The following PNLIPRP3 variants were observed in gnomAD, a reference collection of about 807,000 sequenced individuals.
PNLIPRP3 encodes the protein pancreatic lipase related protein 3.
A neutral mutation model predicts 52.8 loss-of-function variants in PNLIPRP3; 58 were observed. The observed-to-expected ratio is 1.10, with a 90% confidence interval of 0.89 to 1.37. PNLIPRP3 has a LOEUF of 1.37. Among genes scored for constraint, PNLIPRP3 ranks in the 40% most tolerant of loss-of-function variants. The pLI, the probability that PNLIPRP3 is intolerant of heterozygous loss-of-function variation, is 0.00. For synonymous variants in PNLIPRP3, 192 were observed against 185.0 expected (o/e 1.04, Z -0.31); for missense variants, 593 against 561.6 (o/e 1.06, Z -0.57).
At chr10:116,429,628 C>G (rs555979783) in intron 1 of PNLIPRP3, among the ~76,000 whole-genome samples, 2 of 152,288 alleles carry the variant, frequency 1.3e-5, no homozygotes, top group South Asian at 4.1e-4. Context: ...CATTAGTTTT[C>G]ATATTTCAAG....
intron 2 of PNLIPRP3, among the ~76,000 whole-genome samples, chr10:116,437,829 G>A (rs1415387553): frequency 6.6e-6 from 1 of 152,110 alleles, no homozygotes; most frequent in East Asian, 1.9e-4. Flanking sequence ...CACATTTCAA[G>A]TGCTCAATAG....
intron 4 of PNLIPRP3, among the ~76,000 whole-genome samples, chr10:116,453,832 A>G (rs983919507): frequency 1.3e-5 from 2 of 152,092 alleles, no homozygotes; most frequent in African/African-American, 2.4e-5. Flanking sequence ...GGTTTTTTAC[A>G]TAGGTATAGA....
At chr10:116,453,212 C>T (rs529233304) in intron 4 of PNLIPRP3, among the ~76,000 whole-genome samples, 6 of 152,286 alleles carry the variant, frequency 3.9e-5, no homozygotes, top group African/African-American at 1.4e-4. Flanking sequence ...GGGCCTATTA[C>T]CTCTTTCTTT....
intron 4 of PNLIPRP3, among the ~76,000 whole-genome samples, chr10:116,454,763 A>G (rs1051040419): frequency 6.6e-6 from 1 of 152,224 alleles, no homozygotes; most frequent in Non-Finnish European, 1.5e-5. Flanking sequence ...CAGGTATAAC[A>G]CATTTTCTTT....
chr10:116,466,186 C>T lies in PNLIPRP3; in HGVS notation c.927+18C>T, dbSNP rs760923819. 13 of 1,533,312 alleles carry T rather than the reference C, an allele frequency of 8.5e-6. No individual in the cohort carries two copies. In the African/African-American group the frequency reaches 1.8e-4, roughly 21 times the overall value. The allele number at this position is 1,533,312 out of a possible 1,614,324, so 95.0% of individuals were successfully genotyped here. A position where few individuals can be genotyped will look rare whatever the true frequency, so the allele number is the denominator to read the frequency against. The stretch of plus-strand genomic sequence containing the variant: ...TTAAAGCAGTAAGTAAATCATCTTA[C>T]TTGGAATTTAATTATAAAGTAATTT... On this transcript the variant is annotated intron_variant, in intron 8 of 11. Coordinates refer to ENST00000369230, the MANE Select transcript of PNLIPRP3 (RefSeq NM_001011709.3).
chr10:116,470,113 T>C (rs536752639), intron 9 of PNLIPRP3, among the ~76,000 whole-genome samples: 3 of 152,186 alleles, frequency 2.0e-5, no homozygotes, highest in African/African-American at 7.2e-5. Context: ...TGTCATTCTC[T>C]GAGCTTGACG....
intron 10 of PNLIPRP3, among the ~76,000 whole-genome samples, chr10:116,475,038 G>A (rs951380905): frequency 1.2e-4 from 19 of 152,162 alleles, no homozygotes; most frequent in African/African-American, 4.6e-4. Context: ...CAACCCATGT[G>A]CCCATCAATG....
chr10:116,430,741 C>G (rs2133106933), intron 1 of PNLIPRP3, among the ~76,000 whole-genome samples: 1 of 152,266 alleles, frequency 6.6e-6, no homozygotes, highest in East Asian at 1.9e-4. Flanking sequence ...ACACAACTGC[C>G]ATAAATTTAA....
At chr10:116,470,452 G>C (rs1048935436) in intron 9 of PNLIPRP3, among the ~76,000 whole-genome samples, 1 of 151,638 alleles carries the variant, frequency 6.6e-6, no homozygotes, top group South Asian at 2.1e-4. Context: ...AAAGAGCCAA[G>C]GAAAGAAAGT....
chr10:116,468,634 G>A (rs1435652003), intron 8 of PNLIPRP3, among the ~76,000 whole-genome samples: 1 of 152,152 alleles, frequency 6.6e-6, no homozygotes, highest in Non-Finnish European at 1.5e-5. Flanking sequence ...ACCATTTTCA[G>A]TTTGAAGTCT....
Position 116,461,168 on chromosome 10 carries a change from G to A in PNLIPRP3, c.686G>A (p.Gly229Asp), listed in dbSNP as rs1160685033. The part of the protein sequence containing the change: ...TNAARILFEL[G>D]VGTIDACGHL... ...TTTACCCTGTTTTTATTTATTTCAG[G>A]TGTTGGAACCATTGATGCTTGTGGT... The change falls in exon 7 of 12, where the codon GGT (glycine) becomes GAT (aspartate). Residue 229 changes from glycine (G) to aspartate (D), a missense_variant and splice_region_variant. Coordinates refer to ENST00000369230, the MANE Select transcript of PNLIPRP3 (RefSeq NM_001011709.3). 1 of 1,614,152 alleles carries A rather than the reference G, an allele frequency of 6.2e-7. No individual in the cohort carries two copies. Among genetic ancestry groups the A allele is most frequent in the African/African-American group, 1.3e-5 (1 of 75,036 alleles).
At chr10:116,432,852 T>C (rs986987945) in intron 1 of PNLIPRP3, among the ~76,000 whole-genome samples, 4 of 152,090 alleles carry the variant, frequency 2.6e-5, no homozygotes, top group East Asian at 1.9e-4. Context: ...CGGTGGCTCA[T>C]GCCTGTAATC....
chr10:116,457,266 A>T (rs556509874), intron 5 of PNLIPRP3, among the ~76,000 whole-genome samples: 64 of 152,186 alleles, frequency 4.2e-4, no homozygotes, highest in Non-Finnish European at 6.9e-4. Flanking sequence ...TTTAACAGAA[A>T]GCCTCCTTAC....
chr10:116,456,887 G>A (rs181214242), intron 5 of PNLIPRP3, among the ~76,000 whole-genome samples: 2 of 152,208 alleles, frequency 1.3e-5, no homozygotes, highest in Admixed American at 1.3e-4. Flanking sequence ...CTGCATTTTG[G>A]CCTTGGTCCC....
In PNLIPRP3 at chr10:116,428,033, T is replaced by G. The variant is rs1440378132; in HGVS notation, c.21T>G (p.Val7=). The change falls in exon 1 of 12, where the codon GTT becomes GTG. Residue 7 remains valine (V), a synonymous_variant. Coordinates refer to ENST00000369230, the MANE Select transcript of PNLIPRP3 (RefSeq NM_001011709.3). MLGIWI[V]AFLFFGTSRG... ...CTTAGATGCTTGGAATTTGGATTGT[T>G]GCATTCTTGTTCTTTGGCACATCAA... 3.1e-6 allele frequency: 5 copies of G among 1,609,640 alleles called. No individual in the cohort carries two copies. Among genetic ancestry groups the G allele is most frequent in the Non-Finnish European group, 4.2e-6 (5 of 1,176,922 alleles).
rs1564692628 is a variant in PNLIPRP3, at chr10:116,436,719, G to A, written c.58G>A (p.Val20Ile). 6.2e-7 allele frequency: 1 copy of A among 1,608,116 alleles called. No homozygotes were observed. The highest frequency in any genetic ancestry group is 8.5e-7 in the Non-Finnish European group (1 of 1,176,468). Residue 20 changes from valine (V) to isoleucine (I), a missense_variant, in exon 2 of 12, where the codon GTT becomes ATT. Val to Ile is a conservative substitution (Grantham distance 29). Coordinates refer to ENST00000369230, the MANE Select transcript of PNLIPRP3 (RefSeq NM_001011709.3). ...CCACCTTTCTGCTGCAGGAAAAGAAGTTTGCTATGAAAGGTTAGGGTGTTT... is the reference window on the plus strand; with the variant it reads ...CCACCTTTCTGCTGCAGGAAAAGAAATTTGCTATGAAAGGTTAGGGTGTTT... ...LFFGTSRGKEVCYERLGCFKD... is the reference protein window; with the variant it reads ...LFFGTSRGKEICYERLGCFKD...
chr10:116,442,227 T>C (rs2133118738), intron 2 of PNLIPRP3, among the ~76,000 whole-genome samples: 1 of 152,340 alleles, frequency 6.6e-6, no homozygotes, highest in Admixed American at 6.5e-5. Context: ...TTTGAGAGTT[T>C]TGTTATTAAG....
intron 1 of PNLIPRP3, among the ~76,000 whole-genome samples, chr10:116,435,283 G>A (rs1482106353): frequency 6.6e-6 from 1 of 152,118 alleles, no homozygotes; most frequent in Non-Finnish European, 1.5e-5. Context: ...ACATTATGAA[G>A]CTGACAGACC....
intron 5 of PNLIPRP3, among the ~76,000 whole-genome samples, chr10:116,458,925 G>A (rs1360230121): frequency 1.3e-5 from 2 of 152,002 alleles, no homozygotes; most frequent in Non-Finnish European, 2.9e-5. Context: ...TTCTCTCCTT[G>A]ACCCACTGCT....
Sources: allele counts gnomAD v4.1 joint callset (sites outside exome capture counted in the v4.1 genomes callset), GRCh38; gene constraint gnomAD v4.1.1; transcripts MANE v1.5; gene names NCBI Gene and HGNC (gene_info 2026-07-23, HGNC 2026-07-21).